The following FGD6 variants were observed in gnomAD, a reference collection of about 807,000 sequenced individuals.
FGD6 encodes the protein FYVE, RhoGEF and PH domain-containing protein 6.
In FGD6, 90 loss-of-function variants were observed where a neutral mutation model predicts 149.4. The ratio of observed to expected loss-of-function variants is 0.60; its 90% CI spans 0.51 to 0.72. The LOEUF (loss-of-function observed/expected upper bound fraction) is 0.72, where lower values mean the gene tolerates loss of function less well. FGD6 is among the 30% of genes least tolerant of loss of function. The pLI is 0.00. For missense variants in FGD6, 1,437 were observed against 1,684.8 expected (o/e 0.85, Z 2.57); for synonymous variants, 527 against 584.0 (o/e 0.90, Z 1.41).
chr12:95,094,785 C>T (rs1306404101), intron 14 of FGD6, 91 bp from the exon 15 acceptor site: 3 of 907,414 alleles, frequency 3.3e-6, no homozygotes, highest in Non-Finnish European at 5.3e-6. Context: ...ACAGATCCCA[C>T]CACCCTCCAA....
chr12:95,180,164 G>A (rs936359036), intron 2 of FGD6, among the ~76,000 whole-genome samples: 10 of 151,668 alleles, frequency 6.6e-5, no homozygotes, highest in Non-Finnish European at 4.4e-5. Flanking sequence ...AGAAATCAAG[G>A]CACAGAGTGT....
intron 8 of FGD6, among the ~76,000 whole-genome samples, chr12:95,134,388 C>T (rs970958551): frequency 6.6e-6 from 1 of 152,130 alleles, no homozygotes; most frequent in Non-Finnish European, 1.5e-5. Context: ...CTAAACTCCA[C>T]TCTCGAGTAG....
chr12:95,102,736 G>A (rs1379038902), intron 14 of FGD6, among the ~76,000 whole-genome samples: 1 of 152,062 alleles, frequency 6.6e-6, no homozygotes, highest in Non-Finnish European at 1.5e-5. Context: ...TCTGATTTTG[G>A]GAAGTCAGAC....
chr12:95,160,643 G>A (rs1231145257), intron 3 of FGD6, among the ~76,000 whole-genome samples: 1 of 152,192 alleles, frequency 6.6e-6, no homozygotes, highest in South Asian at 2.1e-4. Flanking sequence ...CCTAGAATTT[G>A]TGAAACAAAG....
chr12:95,200,472 T>TC (rs1455359128), intron 2 of FGD6, among the ~76,000 whole-genome samples: 2 of 152,122 alleles, frequency 1.3e-5, no homozygotes, highest in Non-Finnish European at 2.9e-5. Flanking sequence ...CGCATTTCCA[T>TC]CACTGTTCAT....
intron 8 of FGD6, among the ~76,000 whole-genome samples, chr12:95,131,994 T>C (rs1019471640): frequency 2.0e-5 from 3 of 152,114 alleles, no homozygotes; most frequent in Non-Finnish European, 4.4e-5. Context: ...GAGCTGAGAT[T>C]GTGCCACTGC....
chr12:95,119,112 T>A (rs528773973), intron 8 of FGD6, among the ~76,000 whole-genome samples: 1 of 151,930 alleles, frequency 6.6e-6, no homozygotes, highest in South Asian at 2.1e-4. Context: ...ATGATGATGA[T>A]GATAATAATA....
intron 8 of FGD6, among the ~76,000 whole-genome samples, chr12:95,130,116 G>T (rs576120201): frequency 1.3e-5 from 2 of 152,268 alleles, no homozygotes; most frequent in Admixed American, 1.3e-4. Context: ...TACCATGCAG[G>T]AAGAGATTGC....
At chr12:95,106,348 G>A (rs902916826) in intron 13 of FGD6, among the ~76,000 whole-genome samples, 1 of 148,904 alleles carries the variant, frequency 6.7e-6, no homozygotes, top group Admixed American at 6.7e-5. Flanking sequence ...TCAGCTCACT[G>A]ACACCTCCGC....
intron 2 of FGD6, among the ~76,000 whole-genome samples, chr12:95,188,512 T>C (rs536772922): frequency 1.3e-5 from 2 of 152,216 alleles, no homozygotes; most frequent in South Asian, 2.1e-4. Context: ...AATAACCTCA[T>C]AGGGACAGAG....
intron 8 of FGD6, among the ~76,000 whole-genome samples, chr12:95,117,150 T>C (rs1197604483): frequency 1.3e-5 from 2 of 152,186 alleles, no homozygotes; most frequent in African/African-American, 2.4e-5. Flanking sequence ...TTCTATGACC[T>C]TTCTGCTCCT....
chr12:95,081,325 T>TTAA lies in FGD6; in HGVS notation c.*192_*194dup, dbSNP rs1877664664. 2.4e-6 allele frequency: 1 copy of TTAA among 416,126 alleles called. No individual in the cohort carries two copies. Among genetic ancestry groups the TTAA allele is most frequent in the East Asian group, 3.7e-5 (1 of 27,328 alleles). 25.8% of individuals were successfully genotyped at this position (416,126 alleles called of 1,614,324 possible). A position where few individuals can be genotyped will look rare whatever the true frequency, so the allele number is the denominator to read the frequency against. On this transcript the variant is annotated 3_prime_UTR_variant, in exon 21 of 21. Coordinates refer to ENST00000343958, the MANE Select transcript of FGD6 (RefSeq NM_018351.4). ...TGACCATTAAGTAAACATCAAAATT[T>TTAA]TAATAAATAACATAAATGAAAAAAC...
At chr12:95,117,660 C>G (rs1879059960) in intron 8 of FGD6, among the ~76,000 whole-genome samples, 1 of 152,198 alleles carries the variant, frequency 6.6e-6, no homozygotes, top group Admixed American at 6.5e-5. Context: ...CTCCTGAACT[C>G]AAGTGATTCT....
At chr12:95,114,882 A>C (rs531323868) in intron 8 of FGD6, among the ~76,000 whole-genome samples, 2 of 152,160 alleles carry the variant, frequency 1.3e-5, no homozygotes, top group East Asian at 1.9e-4. Flanking sequence ...TTCTGACTAA[A>C]TTTGATCTGT....
intron 8 of FGD6, among the ~76,000 whole-genome samples, chr12:95,120,564 T>C (rs1879158508): frequency 6.6e-6 from 1 of 151,840 alleles, no homozygotes; most frequent in African/African-American, 2.4e-5. Context: ...TGTGCGCCTA[T>C]AGTCCCAGCT....
rs74813586 is a variant in FGD6 at position 95,192,838 on chromosome 12, A to G, written c.2441+16005T>C. On this transcript the variant is annotated intron_variant, in intron 2 of 20. Coordinates refer to ENST00000343958, the MANE Select transcript of FGD6 (RefSeq NM_018351.4). ...GGAAAAGGGTTTTTTAGGTAGTGGAACAAAGCCATGAGAGAAGAGCATGTT... is the reference window on the plus strand; with the variant it reads ...GGAAAAGGGTTTTTTAGGTAGTGGAGCAAAGCCATGAGAGAAGAGCATGTT... 8.1e-3 allele frequency among the ~76,000 whole-genome samples: 1,231 copies of G among 152,318 alleles called. 18 individuals are homozygous for G. Among genetic ancestry groups the G allele is most frequent in the African/African-American group, 0.028 (1,164 of 41,562 alleles).
intron 14 of FGD6, among the ~76,000 whole-genome samples, chr12:95,100,151 T>C (rs1878377280): frequency 6.6e-6 from 1 of 151,566 alleles, no homozygotes; most frequent in Non-Finnish European, 1.5e-5. Flanking sequence ...TACTCCAAAT[T>C]ATTTCTATGT....
intron 8 of FGD6, among the ~76,000 whole-genome samples, chr12:95,118,077 A>G (rs568553365): frequency 6.6e-6 from 1 of 151,810 alleles, no homozygotes; most frequent in South Asian, 2.1e-4. Context: ...ACGGCCAGGC[A>G]TAATGGCTCA....
intron 8 of FGD6, among the ~76,000 whole-genome samples, chr12:95,126,645 T>A (rs10859835): frequency 6.6e-6 from 1 of 150,494 alleles, no homozygotes; most frequent in Non-Finnish European, 1.5e-5. Flanking sequence ...GCAAGAGAAC[T>A]GCTTGAACCC....
Sources: gnomAD v4.1 joint callset for allele counts (sites outside exome capture counted in the v4.1 genomes callset) on GRCh38, gnomAD v4.1.1 for gene constraint, MANE v1.5 for transcripts, NCBI Gene and HGNC (gene_info 2026-07-23, HGNC 2026-07-21) for gene names.